Variants in ITGBL1 observed in about 807,000 individuals in gnomAD.
The protein encoded by ITGBL1 is integrin subunit beta like 1, also known as integrin beta-like protein 1.
ITGBL1 carries 51 observed loss-of-function variants against 68.5 expected under a neutral mutation model. The ratio of observed to expected loss-of-function variants is 0.74; its 90% confidence interval spans 0.59 to 0.94. ITGBL1 has a LOEUF of 0.94. Among genes scored for constraint, ITGBL1 ranks in the 40% least tolerant of loss-of-function variants. ITGBL1 has a pLI of 0.00. For missense variants in ITGBL1, 649 were observed against 647.4 expected (o/e 1.00, Z -0.03); for synonymous variants, 209 against 227.3 (o/e 0.92, Z 0.72).
intron 7 of ITGBL1, among the ~76,000 whole-genome samples, chr13:101,602,836 C>T (rs1046069355): frequency 1.3e-5 from 2 of 151,958 alleles, no homozygotes; most frequent in Non-Finnish European, 2.9e-5. Context: ...GTGATCTTCT[C>T]GCATCTGGCT....
chr13:101,547,866 T>A (rs1020822620), intron 2 of ITGBL1, among the ~76,000 whole-genome samples: 6 of 151,450 alleles, frequency 4.0e-5, no homozygotes, highest in Admixed American at 3.3e-4. Flanking sequence ...AAAAGAAAAA[T>A]TGCTTTCTTA....
chr13:101,481,377 A>T (rs1566694138), intron 2 of ITGBL1, among the ~76,000 whole-genome samples: 1 of 152,110 alleles, frequency 6.6e-6, no homozygotes, highest in South Asian at 2.1e-4. Flanking sequence ...ATAATATTCT[A>T]AAATTTTGTG....
At chr13:101,583,508 T>C in intron 6 of ITGBL1, 152 bp downstream of exon 6, 1 of 562,262 alleles carries the variant, frequency 1.8e-6, no homozygotes, top group East Asian at 3.3e-5. Context: ...ATTGTACATT[T>C]TTAAATAATG....
intron 7 of ITGBL1, among the ~76,000 whole-genome samples, chr13:101,664,728 C>T (rs2033171981): frequency 6.6e-6 from 1 of 151,988 alleles, no homozygotes; most frequent in Non-Finnish European, 1.5e-5. Context: ...GCAATCCATT[C>T]TTGTTTGTTT....
intron 7 of ITGBL1, among the ~76,000 whole-genome samples, chr13:101,607,926 A>G (rs750730944): frequency 6.6e-6 from 1 of 151,998 alleles, no homozygotes; most frequent in African/African-American, 2.4e-5. Context: ...CCTTGTGTCT[A>G]AGTCATCCTT....
chr13:101,597,361 C>A (rs1174981868), intron 6 of ITGBL1, among the ~76,000 whole-genome samples: 1 of 145,530 alleles, frequency 6.9e-6, no homozygotes, highest in East Asian at 2.0e-4. Flanking sequence ...TTTAATTTCA[C>A]TAATTGCATT....
At chr13:101,585,826 T>C (rs1028489879) in intron 6 of ITGBL1, among the ~76,000 whole-genome samples, 1 of 152,182 alleles carries the variant, frequency 6.6e-6, no homozygotes, top group African/African-American at 2.4e-5. Flanking sequence ...TATTTTAAAA[T>C]TGTAAGTGTG....
intron 7 of ITGBL1, among the ~76,000 whole-genome samples, chr13:101,620,604 A>T (rs1125871): frequency 0.012 from 1,875 of 152,070 alleles, 29 homozygotes; most frequent in African/African-American, 0.043. Context: ...CCCCACTAAT[A>T]GCAAAATGAA....
chr13:101,700,539 G>A (rs954696786), intron 8 of ITGBL1, among the ~76,000 whole-genome samples: 9 of 152,130 alleles, frequency 5.9e-5, no homozygotes, highest in African/African-American at 1.9e-4. Flanking sequence ...AAATGAGTTT[G>A]CAAAGTGTAA....
intron 2 of ITGBL1, among the ~76,000 whole-genome samples, chr13:101,555,630 T>C (rs2049992160): frequency 6.6e-6 from 1 of 152,204 alleles, no homozygotes; most frequent in Admixed American, 6.5e-5. Context: ...TATATGCATG[T>C]ATTTAAGTAT....
Position 101,583,272 on chromosome 13 carries a change from G to A in ITGBL1, c.784G>A (p.Gly262Arg). 1.2e-6 allele frequency: 2 copies of A among 1,613,520 alleles called. No individual in the cohort carries two copies. The highest frequency in any genetic ancestry group is 2.2e-5 in the East Asian group (1 of 44,862). The stretch of plus-strand genomic sequence containing the variant: ...CGATGTTGATCCGACTGGGGACTGG[G>A]GAGATATTCATGGGGACACCTGTGA... ...CHDVDPTGDW[G>R]DIHGDTCECD... The change falls in exon 6 of 11, where the codon GGA becomes AGA. Residue 262 changes from glycine (G) to arginine (R), a missense_variant. Transcript: ENST00000376180.
chr13:101,464,204 T>G (rs1455141884), intron 2 of ITGBL1, among the ~76,000 whole-genome samples: 1 of 152,194 alleles, frequency 6.6e-6, no homozygotes, highest in African/African-American at 2.4e-5. Flanking sequence ...TGACCCATTC[T>G]TAAAACTCCC....
intron 6 of ITGBL1, among the ~76,000 whole-genome samples, chr13:101,586,950 G>A (rs2139298352): frequency 1.3e-5 from 2 of 152,262 alleles, no homozygotes; most frequent in East Asian, 3.9e-4. Flanking sequence ...ATACCTTTGT[G>A]TTATGAGACA....
chr13:101,718,560 T>C (rs2034808493), downstream of ITGBL1: 1 of 135,068 alleles, frequency 7.4e-6, no homozygotes, highest in South Asian at 2.3e-4. Flanking sequence ...GCTGCTTGTT[T>C]GGCAAATCAT....
chr13:101,622,915 A>ATGTGTG (rs59267168), intron 7 of ITGBL1, among the ~76,000 whole-genome samples: 1,973 of 148,458 alleles, frequency 0.013, 33 homozygotes, highest in African/African-American at 0.038. Flanking sequence ...TGGGGTATGT[A>ATGTGTG]TGTGTGTGTG....
At chr13:101,660,575 T>C (rs1324088384) in intron 7 of ITGBL1, among the ~76,000 whole-genome samples, 1 of 152,170 alleles carries the variant, frequency 6.6e-6, no homozygotes, top group African/African-American at 2.4e-5. Flanking sequence ...AGAATTCAGG[T>C]CCCTCTCATC....
At chr13:101,562,666 ATAAATT>A (rs2050118964) in intron 2 of ITGBL1, among the ~76,000 whole-genome samples, 1 of 151,948 alleles carries the variant, frequency 6.6e-6, no homozygotes, top group Admixed American at 6.6e-5. Context: ...TTCAAAATAC[ATAAATT>A]TAAAGAATGA....
chr13:101,589,883 G>A (rs2050622199), intron 6 of ITGBL1, among the ~76,000 whole-genome samples: 1 of 152,198 alleles, frequency 6.6e-6, no homozygotes, highest in East Asian at 1.9e-4. Flanking sequence ...CAGGAAAAGA[G>A]GTGTGGGAGC....
intron 7 of ITGBL1, among the ~76,000 whole-genome samples, chr13:101,623,308 C>G (rs1406262872): frequency 6.6e-6 from 1 of 151,926 alleles, no homozygotes. Flanking sequence ...TCAGAGATTA[C>G]CTCTTAAGGC....
Sources: gnomAD v4.1 joint callset for allele counts (sites outside exome capture counted in the v4.1 genomes callset) on GRCh38, gnomAD v4.1.1 for gene constraint, MANE v1.5 for transcripts, NCBI Gene and HGNC (gene_info 2026-07-23, HGNC 2026-07-21) for gene names.